PNLIP: variants seen among roughly 807,000 people sequenced by gnomAD.
PNLIP encodes the protein pancreatic triacylglycerol lipase.
In PNLIP, 49 loss-of-function variants were observed where a neutral mutation model predicts 57.1. The ratio of observed to expected loss-of-function variants is 0.86; its 90% confidence interval spans 0.68 to 1.09. PNLIP has a LOEUF of 1.09. Among genes scored for constraint, PNLIP ranks in the 50% least tolerant of loss-of-function variants. The pLI, the probability that PNLIP is intolerant of heterozygous loss-of-function variation, is 0.00. For synonymous variants in PNLIP, 209 were observed against 200.4 expected (o/e 1.04, Z -0.36); for missense variants, 503 against 570.2 (o/e 0.88, Z 1.20).
chr10:116,555,056 C>T, intron 6 of PNLIP, 122 bp from the exon 7 acceptor site: 1 of 1,105,952 alleles, frequency 9.0e-7, no homozygotes, highest in Non-Finnish European at 1.3e-6. Context: ...GTAGATTCCT[C>T]TTCAGCAAAT....
At chr10:116,556,828 T>C (rs1225123114) in intron 9 of PNLIP, among the ~76,000 whole-genome samples, 1 of 152,152 alleles carries the variant, frequency 6.6e-6, no homozygotes, top group African/African-American at 2.4e-5. Flanking sequence ...CAGTAACAAA[T>C]GTGCCAGCTG....
rs373550688 is a variant in PNLIP, at chr10:116,560,413, C to T, written c.1061-3C>T. On this transcript the variant is annotated splice_region_variant and splice_polypyrimidine_tract_variant and intron_variant, in intron 10 of 12. Coordinates refer to ENST00000369221, the MANE Select transcript of PNLIP (RefSeq NM_000936.4). ...GACATTTTGCAATTTTTCTCCCTTG[C>T]AGGTTGGAGGTATAAGGTATCTGTC... 14 of 1,536,612 alleles carry T rather than the reference C, an allele frequency of 9.1e-6. No homozygotes were observed. The African/African-American group carries it at 1.5e-4, about 17-fold the overall frequency.
At position 116,560,301 on chromosome 10, in the gene PNLIP, ACAC is replaced by A. The variant is rs1364597690; in HGVS notation, c.1061-114_1061-112del. The A allele has an allele frequency of 9.8e-6, 6 of 612,092 alleles. No individual in the cohort carries two copies. The East Asian group carries it at 1.7e-4, about 17-fold the overall frequency. The allele number at this position is 612,092 out of a possible 1,614,324, so 37.9% of individuals were successfully genotyped here. A position where few individuals can be genotyped will look rare whatever the true frequency, so the allele number is the denominator to read the frequency against. Reference sequence around the variant, plus strand: ...TACACACACACACACACACACACACACACACACAATTATAAATAAATTATTCAA... The same window carrying A: ...TACACACACACACACACACACACACAACACAATTATAAATAAATTATTCAA... On this transcript the variant is annotated intron_variant, in intron 10 of 12. Coordinates refer to ENST00000369221, the MANE Select transcript of PNLIP (RefSeq NM_000936.4).
intron 4 of PNLIP, among the ~76,000 whole-genome samples, chr10:116,550,347 G>T (rs1847177968): frequency 6.7e-6 from 1 of 150,306 alleles, no homozygotes; most frequent in African/African-American, 2.4e-5. Context: ...CGTGACCACC[G>T]CACCTGGCCT....
chr10:116,549,227 G>C (rs1006923449), intron 4 of PNLIP, among the ~76,000 whole-genome samples: 1 of 151,964 alleles, frequency 6.6e-6, no homozygotes, highest in African/African-American at 2.4e-5. Context: ...CCTGTAATCC[G>C]AGCACTTTGG....
At chr10:116,562,822 T>C (rs1303458784) in intron 12 of PNLIP, among the ~76,000 whole-genome samples, 2 of 152,194 alleles carry the variant, frequency 1.3e-5, no homozygotes, top group Admixed American at 1.3e-4. Context: ...CAGGGTAGAG[T>C]ATTTTAGAAG....
rs575138662 is a variant in PNLIP at position 116,565,070 on chromosome 10, A to C, written c.1335-2665A>C. Among the ~76,000 whole-genome samples, 147 of 151,870 alleles carry C rather than the reference A, an allele frequency of 9.7e-4. 1 individual carries two copies. The highest frequency in any genetic ancestry group is 3.3e-3 in the African/African-American group (135 of 41,444). On this transcript the variant is annotated intron_variant, in intron 12 of 12. Coordinates refer to ENST00000369221, the MANE Select transcript of PNLIP (RefSeq NM_000936.4). ...GGTCAGATCGAGACCATCATGGCTA[A>C]CACGGTGAAACCCCGTCTCTACTAA... is the stretch of plus-strand genomic sequence containing the variant.
At chr10:116,549,365 G>T (rs1353089490) in intron 4 of PNLIP, among the ~76,000 whole-genome samples, 5 of 152,156 alleles carry the variant, frequency 3.3e-5, no homozygotes, top group Non-Finnish European at 7.3e-5. Flanking sequence ...TGTAATCCCA[G>T]CTACTCAGGA....
intron 12 of PNLIP, among the ~76,000 whole-genome samples, chr10:116,565,249 C>CAAAAAAAAAAA (rs71010093): frequency 9.0e-5 from 3 of 33,396 alleles, no homozygotes; most frequent in Non-Finnish European, 1.4e-4. Flanking sequence ...GACAATGTCT[C>CAAAAAAAAAAA]AAAAAAAAAA....
At chr10:116,555,640 G>A (rs764773704) in intron 8 of PNLIP, 133 bp downstream of exon 8, 2 of 1,042,686 alleles carry the variant, frequency 1.9e-6, no homozygotes, top group Middle Eastern at 3.2e-4. Flanking sequence ...TTGTATCCAT[G>A]AGATGTAGGT....
intron 12 of PNLIP, among the ~76,000 whole-genome samples, chr10:116,564,194 T>C (rs1353757473): frequency 1.3e-5 from 2 of 152,158 alleles, no homozygotes; most frequent in African/African-American, 2.4e-5. Context: ...TTTACCACTA[T>C]ACAATATATC....
intron 4 of PNLIP, 67 bp from the exon 5 acceptor site, chr10:116,551,031 A>G: frequency 7.6e-7 from 1 of 1,307,206 alleles, no homozygotes. Context: ...CTAGTCCTCC[A>G]GTATGTTAAC....
At position 116,547,412 on chromosome 10, in the gene PNLIP, C is replaced by T. The variant is rs1414363622; in HGVS notation, c.165C>T (p.Phe55=). 1.9e-6 allele frequency: 3 copies of T among 1,614,078 alleles called. No individual in the cohort carries two copies. Among genetic ancestry groups the T allele is most frequent in the South Asian group, 1.1e-5 (1 of 91,058 alleles). The change falls in exon 3 of 13, where the codon TTC becomes TTT. Residue 55 remains phenylalanine (F), a synonymous_variant. Coordinates refer to ENST00000369221, the MANE Select transcript of PNLIP (RefSeq NM_000936.4). ...PWSPKDVNTR[F]LLYTNENPNN... is the part of the protein sequence containing the mutation. ...CTCCAAAAGATGTCAACACCCGCTT[C>T]CTCCTATATACTAATGAGAACCCAA...
intron 12 of PNLIP, among the ~76,000 whole-genome samples, chr10:116,567,396 G>A (rs1290816923): frequency 6.6e-6 from 1 of 152,054 alleles, no homozygotes; most frequent in Non-Finnish European, 1.5e-5. Flanking sequence ...TTATACACTG[G>A]GCTGATTTCT....
chr10:116,552,107 A>T (rs1564724753), intron 5 of PNLIP, among the ~76,000 whole-genome samples: 1 of 152,134 alleles, frequency 6.6e-6, no homozygotes, highest in Admixed American at 6.6e-5. Context: ...AACCTACTGC[A>T]CTCCCAGTTA....
chr10:116,560,294 C>CACACACACAT, intron 10 of PNLIP, 122 bp from the exon 11 acceptor site: 1 of 591,976 alleles, frequency 1.7e-6, no homozygotes, highest in South Asian at 2.2e-5. Flanking sequence ...CACACACACA[C>CACACACACAT]ACACACACAC....
chr10:116,546,062 C>T (rs1847119754), intron 1 of PNLIP, 31 bp from the exon 2 acceptor site: 4 of 1,608,866 alleles, frequency 2.5e-6, no homozygotes, highest in Non-Finnish European at 3.4e-6. Context: ...AAAACTTAGC[C>T]AGACTCAATC....
intron 5 of PNLIP, 183 bp downstream of exon 5, chr10:116,551,415 C>T (rs2133200214): frequency 2.5e-6 from 1 of 403,770 alleles, no homozygotes. Flanking sequence ...CATCAATAAC[C>T]CATTATGTTA....
intron 10 of PNLIP, 72 bp from the exon 11 acceptor site, chr10:116,560,344 G>T: frequency 1.4e-6 from 1 of 724,288 alleles, no homozygotes. Context: ...TGGCAGTAGT[G>T]GGATGCAAAT....
Sources: gnomAD v4.1 joint callset for allele counts (sites outside exome capture counted in the v4.1 genomes callset) on GRCh38, gnomAD v4.1.1 for gene constraint, MANE v1.5 for transcripts, NCBI Gene and HGNC (gene_info 2026-07-23, HGNC 2026-07-21) for gene names.